Variants in EYS observed in about 807,000 individuals in gnomAD.
The protein encoded by EYS is protein eyes shut homolog.
A neutral mutation model predicts 282.1 loss-of-function variants in EYS; 250 were observed. That is an observed-to-expected ratio of 0.89 (90% CI 0.80 to 0.98). The LOEUF is 0.98. Among genes scored for constraint, EYS ranks in the 50% least tolerant of loss-of-function variants. The probability of loss-of-function intolerance (pLI) is 0.00; values close to 1 mark genes in which losing one functional copy is unlikely to be tolerated. For missense variants in EYS, 4,016 were observed against 3,709.0 expected (o/e 1.08, Z -2.15); for synonymous variants, 1,355 against 1,282.9 (o/e 1.06, Z -1.20).
At chr6:64,338,035 G>A (rs559470844) in intron 29 of EYS, among the ~76,000 whole-genome samples, 89 of 152,010 alleles carry the variant, frequency 5.9e-4, no homozygotes, top group Non-Finnish European at 1.2e-3. Context: ...ACTGGATGGG[G>A]AAAAGTTGAA....
At chr6:64,898,672 AG>A (rs1254988396) in intron 18 of EYS, among the ~76,000 whole-genome samples, 1 of 151,088 alleles carries the variant, frequency 6.6e-6, no homozygotes, top group East Asian at 1.9e-4. Flanking sequence ...TTGTATAAAG[AG>A]TCAAGAACCA....
chr6:64,670,883 C>T (rs985897004), intron 22 of EYS, among the ~76,000 whole-genome samples: 12 of 152,190 alleles, frequency 7.9e-5, no homozygotes, highest in African/African-American at 2.6e-4. Flanking sequence ...CCCTCTCCTT[C>T]ACCAGCAGCC....
intron 35 of EYS, among the ~76,000 whole-genome samples, chr6:63,963,837 A>G (rs1375814273): frequency 6.6e-6 from 1 of 152,186 alleles, no homozygotes; most frequent in Non-Finnish European, 1.5e-5. Flanking sequence ...GAAAGTATTC[A>G]TTTCTCACAT....
chr6:65,213,096 A>T (rs1462239691), intron 12 of EYS, among the ~76,000 whole-genome samples: 4 of 152,122 alleles, frequency 2.6e-5, no homozygotes, highest in African/African-American at 9.7e-5. Context: ...AGTCAGAAAC[A>T]CTTCTTTTAA....
chr6:64,071,818 TAAAAC>T (rs1236062549), intron 32 of EYS, among the ~76,000 whole-genome samples: 1 of 151,342 alleles, frequency 6.6e-6, no homozygotes, highest in Non-Finnish European at 1.5e-5. Flanking sequence ...TCCAAACAAA[TAAAAC>T]CAAAACCAAC....
At chr6:63,882,456 G>A (rs548259696) in intron 35 of EYS, among the ~76,000 whole-genome samples, 24 of 152,240 alleles carry the variant, frequency 1.6e-4, no homozygotes, top group African/African-American at 5.8e-4. Context: ...GCCATGCCTC[G>A]ACCAGAGTTA....
At chr6:64,955,514 A>G (rs1436299192) in intron 14 of EYS, among the ~76,000 whole-genome samples, 1 of 152,134 alleles carries the variant, frequency 6.6e-6, no homozygotes, top group Non-Finnish European at 1.5e-5. Flanking sequence ...GTTAGCAGGA[A>G]AAAATATGGT....
At chr6:65,265,706 A>G (rs1284717679) in intron 12 of EYS, among the ~76,000 whole-genome samples, 1 of 152,014 alleles carries the variant, frequency 6.6e-6, no homozygotes, top group East Asian at 1.9e-4. Flanking sequence ...TGGGGAAGTG[A>G]ATTTTGACCC....
At chr6:64,311,339 G>T (rs1769692965) in intron 29 of EYS, among the ~76,000 whole-genome samples, 1 of 152,056 alleles carries the variant, frequency 6.6e-6, no homozygotes, top group Admixed American at 6.5e-5. Flanking sequence ...TTAAAGACAA[G>T]AAATAATTAT....
At chr6:64,599,392 C>T (rs1244406751) in intron 24 of EYS, among the ~76,000 whole-genome samples, 1 of 152,074 alleles carries the variant, frequency 6.6e-6, no homozygotes, top group African/African-American at 2.4e-5. Flanking sequence ...GCCTATAATA[C>T]ATGCTGATGG....
chr6:64,836,584 T>C (rs1284119233), intron 19 of EYS, among the ~76,000 whole-genome samples: 3 of 151,590 alleles, frequency 2.0e-5, no homozygotes, highest in Non-Finnish European at 3.0e-5. Flanking sequence ...TAGTGAAGCA[T>C]AATTTTACCA....
At chr6:64,891,108 G>A (rs764040609) in intron 18 of EYS, among the ~76,000 whole-genome samples, 26 of 151,776 alleles carry the variant, frequency 1.7e-4, no homozygotes, top group Non-Finnish European at 3.4e-4. Flanking sequence ...AAAAGGCCCT[G>A]GGATTCTAGA....
chr6:64,770,949 C>T lies in EYS; in HGVS notation c.3443+42429G>A, dbSNP rs146724673. ...TGATCAAGAGGGATATAATATATTG[C>T]AATTCAAACAAGTCCAAATTGCCAA... On this transcript the variant is annotated intron_variant, in intron 22 of 42. Coordinates refer to ENST00000503581, the MANE Select transcript of EYS (RefSeq NM_001142800.2). Among the ~76,000 whole-genome samples, 522 of 151,832 alleles carry T rather than the reference C, an allele frequency of 3.4e-3. 3 individuals carry two copies. Among genetic ancestry groups the T allele is most frequent in the African/African-American group, 0.012 (491 of 41,496 alleles).
Position 64,590,790 on chromosome 6 carries a change from A to G in EYS, c.5077T>C (p.Ser1693Pro). ...AGTTTTAAAATGTTTTCTGATACTGACAGTTCATCAGTAGTCATTTTTGAA... is the reference window on the plus strand; with the variant it reads ...AGTTTTAAAATGTTTTCTGATACTGGCAGTTCATCAGTAGTCATTTTTGAA... ...LTSKMTTDEL[S>P]VSENILKLLK... Residue 1693 changes from serine to proline, a missense_variant, in exon 26 of 43, where the codon TCA becomes CCA. By Grantham distance (74) the Ser-to-Pro change is moderately conservative (BLOSUM62 -1). Transcript: ENST00000503581. 3 of 1,550,050 alleles carry G rather than the reference A, an allele frequency of 1.9e-6. No homozygotes were observed. Among genetic ancestry groups the G allele is most frequent in the Non-Finnish European group, 2.6e-6 (3 of 1,145,832 alleles).
At chr6:64,072,253 C>T (rs1771609087) in intron 32 of EYS, among the ~76,000 whole-genome samples, 2 of 151,986 alleles carry the variant, frequency 1.3e-5, no homozygotes, top group African/African-American at 4.8e-5. Context: ...TTAGGATCCA[C>T]TTAACCCATC....
chr6:64,402,685 G>A (rs1773573008), intron 28 of EYS, among the ~76,000 whole-genome samples: 1 of 152,138 alleles, frequency 6.6e-6, no homozygotes, highest in South Asian at 2.1e-4. Context: ...ACAAAGATTA[G>A]CTAAAAATTT....
At chr6:64,338,399 A>T (rs1232346947) in intron 29 of EYS, among the ~76,000 whole-genome samples, 2 of 151,960 alleles carry the variant, frequency 1.3e-5, no homozygotes, top group Admixed American at 1.3e-4. Context: ...AAAGAAAAAA[A>T]AAACTTAGGA....
chr6:63,800,779 T>C (rs1022598964), intron 37 of EYS, among the ~76,000 whole-genome samples: 12 of 152,218 alleles, frequency 7.9e-5, no homozygotes, highest in Admixed American at 6.5e-4. Flanking sequence ...AACTCCAGCC[T>C]GGGTGACAGA....
rs577088118 is a variant in EYS at position 65,703,392 on chromosome 6, CTA to C, written c.-448+3741_-448+3742del. On this transcript the variant is annotated intron_variant, in intron 1 of 42. Coordinates refer to ENST00000503581, the MANE Select transcript of EYS (RefSeq NM_001142800.2). ...AATAATTCTTTTTTTATAAATTTAACTATGTTAGTTGCTAATTTCCAGACTTA... is the reference window on the plus strand; with the variant it reads ...AATAATTCTTTTTTTATAAATTTAACTGTTAGTTGCTAATTTCCAGACTTA... Among the ~76,000 whole-genome samples the C allele has an allele frequency of 2.2e-3, 338 of 152,064 alleles. 2 individuals are homozygous for C. Among genetic ancestry groups the C allele is most frequent in the Middle Eastern group, 0.017 (5 of 292 alleles).
Sources: allele counts gnomAD v4.1 joint callset (sites outside exome capture counted in the v4.1 genomes callset), GRCh38; gene constraint gnomAD v4.1.1; transcripts MANE v1.5; gene names NCBI Gene and HGNC (gene_info 2026-07-23, HGNC 2026-07-21).